The following CNTNAP2 variants were observed in gnomAD, a reference collection of about 807,000 sequenced individuals.
CNTNAP2 encodes the protein contactin associated protein 2.
A neutral mutation model predicts 155.2 loss-of-function variants in CNTNAP2; 98 were observed. That is an observed-to-expected ratio of 0.63 (90% CI 0.54 to 0.75). The LOEUF is 0.75. CNTNAP2 is among the 30% of genes least tolerant of loss of function. CNTNAP2 has a pLI of 0.00. For missense variants in CNTNAP2, 1,727 were observed against 1,688.1 expected (o/e 1.02, Z -0.40); for synonymous variants, 651 against 631.2 (o/e 1.03, Z -0.47).
intron 4 of CNTNAP2, among the ~76,000 whole-genome samples, chr7:147,070,391 T>C (rs920202990): frequency 3.9e-5 from 6 of 152,154 alleles, no homozygotes; most frequent in Non-Finnish European, 5.9e-5. Flanking sequence ...CAAAACCACA[T>C]ATGGTTAGCT....
At chr7:148,314,816 A>T (rs976335757) in intron 21 of CNTNAP2, among the ~76,000 whole-genome samples, 8 of 152,062 alleles carry the variant, frequency 5.3e-5, no homozygotes, top group Non-Finnish European at 2.9e-5. Flanking sequence ...ATGTGGGTGA[A>T]TAATCAGGCA....
chr7:147,847,637 T>A (rs1211527711), intron 13 of CNTNAP2, among the ~76,000 whole-genome samples: 31 of 46,294 alleles, frequency 6.7e-4, no homozygotes, highest in African/African-American at 2.4e-3. Context: ...CTGTTGCTGG[T>A]GAGGAACTGC....
rs1797649605 is a variant in CNTNAP2 at position 146,965,923 on chromosome 7, C to G, written c.403-77984C>G. Reference sequence around the variant, plus strand: ...GCAAGAACTTCAATCTTCCAGGTATCTCCTCTAAAATATCATTATGGTTGT... The same window carrying G: ...GCAAGAACTTCAATCTTCCAGGTATGTCCTCTAAAATATCATTATGGTTGT... On this transcript the variant is annotated intron_variant, in intron 3 of 23. Transcript: ENST00000361727. Among the ~76,000 whole-genome samples, 3 of 152,152 alleles carry G rather than the reference C, an allele frequency of 2.0e-5. No individual in the cohort carries two copies. In the South Asian group the frequency reaches 6.2e-4, roughly 32 times the overall value.
At chr7:147,026,274 G>A (rs1419536713) in intron 3 of CNTNAP2, among the ~76,000 whole-genome samples, 2 of 152,274 alleles carry the variant, frequency 1.3e-5, no homozygotes, top group Admixed American at 6.5e-5. Flanking sequence ...AGGTGTTTGT[G>A]TGAAACATAG....
At chr7:146,996,455 AT>A (rs1207918441) in intron 3 of CNTNAP2, among the ~76,000 whole-genome samples, 1 of 151,914 alleles carries the variant, frequency 6.6e-6, no homozygotes. Flanking sequence ...TTTTTGGAGT[AT>A]TTTTTTATAC....
intron 20 of CNTNAP2, among the ~76,000 whole-genome samples, chr7:148,264,661 T>G (rs1289145176): frequency 6.6e-6 from 1 of 152,222 alleles, no homozygotes; most frequent in Non-Finnish European, 1.5e-5. Context: ...TAAAATTCTT[T>G]AAGAAAATAG....
intron 1 of CNTNAP2, among the ~76,000 whole-genome samples, chr7:146,536,685 G>A (rs967605080): frequency 6.7e-6 from 1 of 149,934 alleles, no homozygotes. Flanking sequence ...TAATGTACTT[G>A]TATCACTTGT....
intron 14 of CNTNAP2, among the ~76,000 whole-genome samples, chr7:147,908,101 C>T (rs1268873377): frequency 1.3e-5 from 2 of 152,150 alleles, no homozygotes; most frequent in Non-Finnish European, 2.9e-5. Context: ...CCAATTGACT[C>T]TTAAATGAAA....
intron 13 of CNTNAP2, among the ~76,000 whole-genome samples, chr7:147,827,849 T>C (rs1798485632): frequency 6.6e-6 from 1 of 152,168 alleles, no homozygotes; most frequent in African/African-American, 2.4e-5. Flanking sequence ...AAACCCATCA[T>C]TTATTTAATC....
intron 13 of CNTNAP2, among the ~76,000 whole-genome samples, chr7:147,738,009 CCCTGCACCCACTGT>C (rs920021714): frequency 6.6e-5 from 10 of 152,208 alleles, no homozygotes; most frequent in African/African-American, 1.9e-4. Flanking sequence ...ATGCTCGGTG[CCCTGCACCCACTGT>C]CCTGCACCCA....
At chr7:146,642,835 T>C (rs1438192164) in intron 1 of CNTNAP2, among the ~76,000 whole-genome samples, 2 of 151,894 alleles carry the variant, frequency 1.3e-5, no homozygotes, top group Non-Finnish European at 2.9e-5. Flanking sequence ...TTCCTGACTT[T>C]TTAATGATTG....
chr7:147,059,129 T>G (rs1356775586), intron 4 of CNTNAP2, among the ~76,000 whole-genome samples: 1 of 152,240 alleles, frequency 6.6e-6, no homozygotes, highest in Non-Finnish European at 1.5e-5. Flanking sequence ...ATGATACATG[T>G]GAATGCTCTT....
chr7:146,166,150 G>T (rs1435705418), intron 1 of CNTNAP2, among the ~76,000 whole-genome samples: 1 of 152,206 alleles, frequency 6.6e-6, no homozygotes, highest in South Asian at 2.1e-4. Context: ...CTGGAGTGCA[G>T]TGGGATGGTC....
At chr7:146,559,397 G>A (rs548585625) in intron 1 of CNTNAP2, among the ~76,000 whole-genome samples, 9 of 152,008 alleles carry the variant, frequency 5.9e-5, no homozygotes, top group Admixed American at 3.3e-4. Context: ...GTGAAACCTC[G>A]TCTGTACTAA....
intron 13 of CNTNAP2, among the ~76,000 whole-genome samples, chr7:147,830,701 C>G (rs1313625747): frequency 6.6e-6 from 1 of 152,180 alleles, no homozygotes; most frequent in Non-Finnish European, 1.5e-5. Flanking sequence ...AGATAAAAGT[C>G]TGAGCAACAG....
At chr7:148,331,801 A>AGTGGATGGATGGAACGGACGG (rs1183842019) in intron 21 of CNTNAP2, among the ~76,000 whole-genome samples, 40 of 151,444 alleles carry the variant, frequency 2.6e-4, no homozygotes, top group South Asian at 8.4e-4. Flanking sequence ...GGATGGATAG[A>AGTGGATGGATGGAACGGACGG]ATGGCCTCCT....
intron 18 of CNTNAP2, among the ~76,000 whole-genome samples, chr7:148,211,189 G>A (rs974963427): frequency 6.6e-6 from 1 of 152,204 alleles, no homozygotes; most frequent in South Asian, 2.1e-4. Flanking sequence ...AATGACCTGA[G>A]GCTGCAGCTC....
intron 3 of CNTNAP2, among the ~76,000 whole-genome samples, chr7:146,927,614 C>A (rs1268926333): frequency 2.0e-5 from 3 of 148,634 alleles, no homozygotes; most frequent in Admixed American, 2.0e-4. Flanking sequence ...TAATAGCATG[C>A]ATGCACTGCC....
intron 10 of CNTNAP2, among the ~76,000 whole-genome samples, chr7:147,483,509 C>T (rs1584762646): frequency 6.6e-6 from 1 of 152,168 alleles, no homozygotes; most frequent in Non-Finnish European, 1.5e-5. Context: ...CTACTCTGCC[C>T]ATTATTTACA....
Sources: gnomAD v4.1 joint callset for allele counts (sites outside exome capture counted in the v4.1 genomes callset) on GRCh38, gnomAD v4.1.1 for gene constraint, MANE v1.5 for transcripts, NCBI Gene and HGNC (gene_info 2026-07-23, HGNC 2026-07-21) for gene names.